SLC4A10: variants seen among roughly 807,000 people sequenced by gnomAD.
SLC4A10 encodes the protein solute carrier family 4 member 10, also known as sodium-driven chloride bicarbonate exchanger.
A neutral mutation model predicts 137.7 loss-of-function variants in SLC4A10; 42 were observed. The ratio of observed to expected loss-of-function variants is 0.30; its 90% CI spans 0.24 to 0.39. SLC4A10 has a LOEUF of 0.39. Ranked by LOEUF, SLC4A10 falls within the 10% of genes least tolerant of loss-of-function variation. The probability of loss-of-function intolerance (pLI) is 1.00; values close to 1 mark genes in which losing one functional copy is unlikely to be tolerated. For missense variants in SLC4A10, 925 were observed against 1,355.0 expected (o/e 0.68, Z 4.98); for synonymous variants, 474 against 464.1 (o/e 1.02, Z -0.27).
At chr2:161,935,620 T>G (rs143570491) in intron 15 of SLC4A10, among the ~76,000 whole-genome samples, 253 of 152,328 alleles carry the variant, frequency 1.7e-3, no homozygotes, top group African/African-American at 5.8e-3. Context: ...TTCCTAAGTA[T>G]TTGAAATTTA....
chr2:161,767,850 T>C (rs553002513), intron 1 of SLC4A10, among the ~76,000 whole-genome samples: 1 of 152,168 alleles, frequency 6.6e-6, no homozygotes, highest in Non-Finnish European at 1.5e-5. Context: ...GGCCACCTAG[T>C]AGAAGGTTCC....
rs1476366068 is a variant in SLC4A10 at position 161,926,845 on chromosome 2, T to A, written c.1998-15947T>A. 4.0e-5 allele frequency among the ~76,000 whole-genome samples: 6 copies of A among 150,522 alleles called. No individual in the cohort carries two copies. In the South Asian group the frequency reaches 1.3e-3, roughly 32 times the overall value. On this transcript the variant is annotated intron_variant, in intron 15 of 26. Coordinates refer to ENST00000446997, the MANE Select transcript of SLC4A10 (RefSeq NM_001178015.2). ...CTTAGTTTGGCTGGATATGAAATTC[T>A]GGGTTGAAAATTCTTTTCTTTAAGA...
At chr2:161,820,093 A>T (rs976657408) in intron 3 of SLC4A10, among the ~76,000 whole-genome samples, 6 of 152,248 alleles carry the variant, frequency 3.9e-5, no homozygotes, top group African/African-American at 1.4e-4. Flanking sequence ...CATGTTTAAA[A>T]TATGGTACAC....
At chr2:161,779,365 C>T (rs547953461) in intron 2 of SLC4A10, among the ~76,000 whole-genome samples, 2 of 152,016 alleles carry the variant, frequency 1.3e-5, no homozygotes, top group African/African-American at 4.8e-5. Context: ...TGGGACAAAC[C>T]ATATCCAAAC....
At chr2:161,802,279 C>T (rs2055452444) in intron 2 of SLC4A10, among the ~76,000 whole-genome samples, 1 of 151,662 alleles carries the variant, frequency 6.6e-6, no homozygotes, top group Non-Finnish European at 1.5e-5. Flanking sequence ...GATTTTTTTC[C>T]AGCAATAGAG....
At chr2:161,853,760 T>C (rs1410630208) in intron 4 of SLC4A10, among the ~76,000 whole-genome samples, 1 of 152,224 alleles carries the variant, frequency 6.6e-6, no homozygotes, top group African/African-American at 2.4e-5. Context: ...TCTTACCTGA[T>C]TGTAAATTTT....
chr2:161,741,373 GT>G (rs1197102675), intron 1 of SLC4A10, among the ~76,000 whole-genome samples: 1 of 150,450 alleles, frequency 6.6e-6, no homozygotes, highest in Non-Finnish European at 1.5e-5. Context: ...CAAAATTTCA[GT>G]GTACAATACA....
At chr2:161,673,378 A>G (rs1574263418) in intron 1 of SLC4A10, among the ~76,000 whole-genome samples, 1 of 152,304 alleles carries the variant, frequency 6.6e-6, no homozygotes, top group East Asian at 1.9e-4. Context: ...GTGAAATTGT[A>G]ATCATGGTTC....
At chr2:161,856,358 AAC>A (rs55983659) in intron 5 of SLC4A10, among the ~76,000 whole-genome samples, 2,814 of 141,880 alleles carry the variant, frequency 0.02, 55 homozygotes, top group Middle Eastern at 0.046. Context: ...AAAATACTAA[AAC>A]ACACACACAC....
At chr2:161,832,526 T>C (rs1460315134) in intron 3 of SLC4A10, among the ~76,000 whole-genome samples, 1 of 152,128 alleles carries the variant, frequency 6.6e-6, no homozygotes, top group Non-Finnish European at 1.5e-5. Flanking sequence ...TCTTCTACTC[T>C]ATTGCTCATT....
At chr2:161,836,117 G>A (rs924856974) in intron 3 of SLC4A10, among the ~76,000 whole-genome samples, 1 of 152,236 alleles carries the variant, frequency 6.6e-6, no homozygotes, top group Non-Finnish European at 1.5e-5. Context: ...TGTGGCTATT[G>A]TTGATGACTG....
At chr2:161,673,436 A>G (rs141670333) in intron 1 of SLC4A10, among the ~76,000 whole-genome samples, 520 of 152,276 alleles carry the variant, frequency 3.4e-3, no homozygotes, top group African/African-American at 0.011. Context: ...ATTATTTTAA[A>G]ATAATTGGCT....
At chr2:161,832,510 A>G (rs774910502) in intron 3 of SLC4A10, among the ~76,000 whole-genome samples, 8 of 152,176 alleles carry the variant, frequency 5.3e-5, no homozygotes, top group Non-Finnish European at 1.0e-4. Context: ...GCAGAGCAAT[A>G]AATATTCTTC....
At chr2:161,625,169 T>C (rs935306926) in intron 1 of SLC4A10, among the ~76,000 whole-genome samples, 5 of 151,758 alleles carry the variant, frequency 3.3e-5, no homozygotes, top group African/African-American at 9.7e-5. Context: ...AAGGTATGCA[T>C]TTTTGGGGGA....
intron 2 of SLC4A10, among the ~76,000 whole-genome samples, chr2:161,792,796 C>T (rs553818473): frequency 6.6e-6 from 1 of 152,266 alleles, no homozygotes; most frequent in South Asian, 2.1e-4. Context: ...ATTTCACATT[C>T]TTCATTCTCC....
At chr2:161,625,878 G>T (rs1354431735) in intron 1 of SLC4A10, among the ~76,000 whole-genome samples, 2 of 151,964 alleles carry the variant, frequency 1.3e-5, no homozygotes, top group African/African-American at 4.8e-5. Context: ...CAGTGTCGGG[G>T]TAGGGGGCCG....
Position 161,964,046 on chromosome 2 carries a change from CA to C in SLC4A10, c.2863-85del, listed in dbSNP as rs1401847358. The C allele has an allele frequency of 4.2e-6, 5 of 1,202,348 alleles. No individual in the cohort carries two copies. In the African/African-American group the frequency reaches 6.1e-5, roughly 15 times the overall value. 74.5% of individuals were successfully genotyped at this position (1,202,348 alleles called of 1,614,324 possible). On this transcript the variant is annotated intron_variant, in intron 21 of 26. Coordinates refer to ENST00000446997, the MANE Select transcript of SLC4A10 (RefSeq NM_001178015.2). Reference sequence around the variant, plus strand: ...TGTTATCCAGGTATGTCATTTAACCCAAAATTGTGGACCATATTAAACATCA... The same window carrying C: ...TGTTATCCAGGTATGTCATTTAACCCAAATTGTGGACCATATTAAACATCA...
chr2:161,656,811 A>G (rs931893119), intron 1 of SLC4A10, among the ~76,000 whole-genome samples: 12 of 152,228 alleles, frequency 7.9e-5, no homozygotes, highest in African/African-American at 2.6e-4. Flanking sequence ...ATAGATAGCT[A>G]TATTGTGAAA....
chr2:161,727,002 C>T (rs2046308130), intron 1 of SLC4A10, among the ~76,000 whole-genome samples: 1 of 152,224 alleles, frequency 6.6e-6, no homozygotes, highest in Admixed American at 6.5e-5. Flanking sequence ...TTTCTCCTCA[C>T]TTCAGATAGC....
Sources: allele counts gnomAD v4.1 joint callset (sites outside exome capture counted in the v4.1 genomes callset), GRCh38; gene constraint gnomAD v4.1.1; transcripts MANE v1.5; gene names NCBI Gene and HGNC (gene_info 2026-07-23, HGNC 2026-07-21).